Variants in PLD1 observed in about 807,000 individuals in gnomAD.
The protein encoded by PLD1 is choline phosphatase 1.
A neutral mutation model predicts 137.1 loss-of-function variants in PLD1; 112 were observed. That is an observed-to-expected ratio of 0.82 (90% CI 0.70 to 0.96). The LOEUF (loss-of-function observed/expected upper bound fraction) is 0.96, where lower values mean the gene tolerates loss of function less well. PLD1 is among the 40% of genes least tolerant of loss of function. PLD1 has a pLI of 0.00. For missense variants in PLD1, 1,321 were observed against 1,342.0 expected, an observed-to-expected ratio of 0.98 and a Z score of 0.24; for synonymous variants, 431 against 454.7, an observed-to-expected ratio of 0.95 and a Z score of 0.66.
intron 1 of PLD1, among the ~76,000 whole-genome samples, chr3:171,774,295 A>T (rs1396841748): frequency 2.0e-5 from 3 of 152,186 alleles, no homozygotes; most frequent in African/African-American, 7.2e-5. Flanking sequence ...GGCTTTCCAG[A>T]GAAGTGGCCA....
At chr3:171,743,482 C>G (rs771564940) in intron 1 of PLD1, among the ~76,000 whole-genome samples, 4 of 152,180 alleles carry the variant, frequency 2.6e-5, no homozygotes, top group Non-Finnish European at 4.4e-5. Context: ...CCAGCTAATG[C>G]TTCCTTTTCC....
intron 13 of PLD1, among the ~76,000 whole-genome samples, chr3:171,691,083 GT>G (rs1393093023): frequency 6.6e-6 from 1 of 152,186 alleles, no homozygotes; most frequent in South Asian, 2.1e-4. Flanking sequence ...TTGTAAGCAT[GT>G]TTTGATTTAA....
At chr3:171,611,105 C>T (rs1732615582) in intron 25 of PLD1, among the ~76,000 whole-genome samples, 1 of 152,202 alleles carries the variant, frequency 6.6e-6, no homozygotes, top group Admixed American at 6.5e-5. Context: ...CAGTGCCCTT[C>T]CCGAAAGGGC....
At chr3:171,720,293 C>CA (rs752618596) in intron 8 of PLD1, among the ~76,000 whole-genome samples, 2,319 of 67,736 alleles carry the variant, frequency 0.034, 189 homozygotes, top group African/African-American at 0.092. Context: ...GACCCTGTCT[C>CA]AAAAAAAAAA....
chr3:171,789,282 T>C (rs1723129886), intron 1 of PLD1: 1 of 152,236 alleles, frequency 6.6e-6, no homozygotes, highest in Non-Finnish European at 1.5e-5. Context: ...CAGAGATGGA[T>C]GTATGTACAT....
At chr3:171,652,160 TC>T (rs1451861434) in intron 21 of PLD1, among the ~76,000 whole-genome samples, 3 of 152,048 alleles carry the variant, frequency 2.0e-5, no homozygotes, top group African/African-American at 7.2e-5. Context: ...ATGCCTGTAA[TC>T]CCAGCACTTT....
intron 1 of PLD1, among the ~76,000 whole-genome samples, chr3:171,762,324 C>A (rs1442016168): frequency 6.6e-6 from 1 of 152,230 alleles, no homozygotes; most frequent in Non-Finnish European, 1.5e-5. Context: ...CCAAAAACAT[C>A]TCTTATAGTT....
intron 1 of PLD1, among the ~76,000 whole-genome samples, chr3:171,761,659 T>G (rs1721404431): frequency 6.6e-6 from 1 of 152,188 alleles, no homozygotes; most frequent in Non-Finnish European, 1.5e-5. Flanking sequence ...AGTGGGAAAG[T>G]ATTAAGTCTA....
intron 1 of PLD1, among the ~76,000 whole-genome samples, chr3:171,796,606 C>G (rs1263149780): frequency 6.6e-6 from 1 of 152,152 alleles, no homozygotes; most frequent in Non-Finnish European, 1.5e-5. Context: ...ACAAAGAAAC[C>G]TTTAAGAGTA....
intron 22 of PLD1, among the ~76,000 whole-genome samples, chr3:171,644,549 C>T (rs1736026804): frequency 6.6e-6 from 1 of 152,174 alleles, no homozygotes; most frequent in Non-Finnish European, 1.5e-5. Context: ...CTTACCATTT[C>T]AGGCATTTAA....
Position 171,620,473 on chromosome 3 carries a change from G to C in PLD1, c.2641C>G (p.His881Asp). Reference sequence around the variant, plus strand: ...ACTAGGTTTCCTTCGAGCTCTGCATGTGTTCTAAGACCACAGAATGATATG... The same window carrying C: ...ACTAGGTTTCCTTCGAGCTCTGCATCTGTTCTAAGACCACAGAATGATATG... ...NYISFCGLRT[H>D]AELEGNLVTE... Residue 881 changes from histidine (H) to aspartate (D), a missense_variant, in exon 24 of 27, where the codon CAT (histidine) becomes GAT (aspartate). Physicochemically the swap from His to Asp is moderately conservative, Grantham distance 81 (BLOSUM62 -1). Transcript: ENST00000351298. 6.2e-7 allele frequency: 1 copy of C among 1,600,028 alleles called. No homozygotes were observed. The highest frequency in any genetic ancestry group is 8.6e-7 in the Non-Finnish European group (1 of 1,168,196).
chr3:171,756,414 T>C (rs2108299228), intron 1 of PLD1, among the ~76,000 whole-genome samples: 1 of 152,330 alleles, frequency 6.6e-6, no homozygotes, highest in East Asian at 1.9e-4. Context: ...CAGGGAACAA[T>C]GATTTCCAGA....
At position 171,688,762 on chromosome 3, in the gene PLD1, C is replaced by T. The variant is rs1166036987; in HGVS notation, c.1453G>A (p.Gly485Arg). 6.2e-7 allele frequency: 1 copy of T among 1,614,188 alleles called. No individual in the cohort carries two copies. Among genetic ancestry groups the T allele is most frequent in the African/African-American group, 1.3e-5 (1 of 75,054 alleles). ...CTGTGCTCATTGTCGTCCCACCTTC[C>T]ATAGGCCAGGTCAATCCCTCCCACA... ...AFVGGIDLAY[G>R]RWDDNEHRLT... Residue 485 changes from glycine (G) to arginine (R), a missense_variant, in exon 14 of 27, where the codon GGA becomes AGA. By Grantham distance (125) the Gly-to-Arg change is moderately radical. Transcript: ENST00000351298.
In PLD1 at chr3:171,763,004, G is replaced by T. The variant is rs950543706; in HGVS notation, c.-31-24922C>A. Among the ~76,000 whole-genome samples, 11 of 152,158 alleles carry T rather than the reference G, an allele frequency of 7.2e-5. No individual in the cohort carries two copies. The East Asian group carries it at 7.7e-4, about 11-fold the overall frequency. ...GATTCTAATTCTAACTTAGCTCATA[G>T]TAAGTGCTTATGATACATATAAATA... On this transcript the variant is annotated intron_variant, in intron 1 of 26. Transcript: ENST00000351298.
chr3:171,643,635 T>A (rs1309539628), intron 22 of PLD1, among the ~76,000 whole-genome samples: 3 of 152,036 alleles, frequency 2.0e-5, no homozygotes, highest in Non-Finnish European at 2.9e-5. Context: ...AAGAAAATAG[T>A]CATAGAAAAC....
In PLD1 at chr3:171,724,759, C is replaced by T. The variant is rs147193827; in HGVS notation, c.695G>A (p.Gly232Glu). 276 of 1,610,012 alleles carry T rather than the reference C, an allele frequency of 1.7e-4. 1 individual carries two copies. In the East Asian group the frequency reaches 5.7e-3, roughly 33 times the overall value. Residue 232 changes from glycine to glutamate, a missense_variant, in exon 8 of 27, where the codon GGA becomes GAA. Physicochemically the swap from Gly to Glu is moderately conservative, Grantham distance 98. Coordinates refer to ENST00000351298, the MANE Select transcript of PLD1 (RefSeq NM_002662.5). ...IEGMIMKRSG[G>E]HRIPGLNCCG... ...GCAATTCAAGCCTGGTATTCTGTGT[C>T]CTCCAGATCTTTTCATTATCATACC...
At position 171,709,572 on chromosome 3, in the gene PLD1, G is replaced by A; in HGVS notation, c.1049C>T (p.Ala350Val). Residue 350 changes from alanine to valine, a missense_variant, in exon 10 of 27, where the codon GCT (alanine) becomes GTT (valine). By Grantham distance (64) the Ala-to-Val change is moderately conservative (BLOSUM62 0). Transcript: ENST00000351298. ...FGSYAAIQEN[A>V]LAKWYVNAKG... ...AATAATAACTTACCATTTAGCTAAA[G>A]CATTCTCTTGGATAGCAGCATATGA... 1 of 1,613,808 alleles carries A rather than the reference G, an allele frequency of 6.2e-7. No individual in the cohort carries two copies. The highest frequency in any genetic ancestry group is 1.1e-5 in the South Asian group (1 of 91,014).
chr3:171,672,500 T>A (rs1030601363), intron 19 of PLD1, among the ~76,000 whole-genome samples: 5 of 151,844 alleles, frequency 3.3e-5, no homozygotes, highest in African/African-American at 4.9e-5. Context: ...TTTTTATTTT[T>A]TTTTTTTGAG....
At chr3:171,800,643 G>C (rs1197008429) in intron 1 of PLD1, among the ~76,000 whole-genome samples, 1 of 152,182 alleles carries the variant, frequency 6.6e-6, no homozygotes, top group Non-Finnish European at 1.5e-5. Flanking sequence ...TCCAATGCCA[G>C]CCACCTGTCT....
Sources: allele counts gnomAD v4.1 joint callset (sites outside exome capture counted in the v4.1 genomes callset), GRCh38; gene constraint gnomAD v4.1.1; transcripts MANE v1.5; gene names NCBI Gene and HGNC (gene_info 2026-07-23, HGNC 2026-07-21).